SPAG9: variants seen among roughly 807,000 people sequenced by gnomAD.
The protein encoded by SPAG9 is C-Jun-amino-terminal kinase-interacting protein 4.
SPAG9 carries 35 observed loss-of-function variants against 166.5 expected under a neutral mutation model. That is an observed-to-expected ratio of 0.21 (90% CI 0.16 to 0.28). The LOEUF is 0.28. Among genes scored for constraint, SPAG9 ranks in the 10% least tolerant of loss-of-function variants. The pLI is 1.00. For synonymous variants in SPAG9, 534 were observed against 565.5 expected, an observed-to-expected ratio of 0.94 and a Z score of 0.79; for missense variants, 1,235 against 1,603.3, an observed-to-expected ratio of 0.77 and a Z score of 3.92.
intron 1 of SPAG9, among the ~76,000 whole-genome samples, chr17:51,097,160 G>A (rs114734884): frequency 1.3e-3 from 205 of 152,330 alleles, no homozygotes; most frequent in African/African-American, 4.9e-3. Context: ...AACACATGGA[G>A]GTTCCTGCAG....
In SPAG9 at chr17:50,981,529, G is replaced by C. The variant is rs1257031051; in HGVS notation, c.3237+995C>G. ...AGATAGATAGATAGATAGATAGATA[G>C]AAAGAAAGAAAGAAAGAATAGATAG... On this transcript the variant is annotated intron_variant, in intron 25 of 29. Transcript: ENST00000262013. Among the ~76,000 whole-genome samples, 4 of 148,630 alleles carry C rather than the reference G, an allele frequency of 2.7e-5. No individual in the cohort carries two copies. The East Asian group carries it at 7.8e-4, about 29-fold the overall frequency.
intron 6 of SPAG9, among the ~76,000 whole-genome samples, chr17:51,030,172 A>G (rs981461280): frequency 2.0e-5 from 3 of 152,230 alleles, no homozygotes; most frequent in African/African-American, 4.8e-5. Context: ...TACAGAATAT[A>G]TATGTCATGG....
chr17:51,065,067 G>A (rs1302924411), intron 2 of SPAG9, among the ~76,000 whole-genome samples: 1 of 152,120 alleles, frequency 6.6e-6, no homozygotes, highest in African/African-American at 2.4e-5. Flanking sequence ...AGGTTGCAGT[G>A]AGTTGAGATC....
chr17:51,103,164 T>C (rs1469518597), intron 1 of SPAG9, among the ~76,000 whole-genome samples: 1 of 152,160 alleles, frequency 6.6e-6, no homozygotes, highest in East Asian at 1.9e-4. Flanking sequence ...GTAGGAACGA[T>C]AATTTGAATG....
intron 1 of SPAG9, among the ~76,000 whole-genome samples, chr17:51,108,924 G>A (rs764458435): frequency 3.4e-4 from 51 of 150,418 alleles, no homozygotes; most frequent in African/African-American, 1.1e-3. Flanking sequence ...TCCACCTCCC[G>A]GGTTCACATG....
intron 2 of SPAG9, among the ~76,000 whole-genome samples, chr17:51,065,862 AC>A (rs1472366173): frequency 2.0e-5 from 3 of 152,210 alleles, no homozygotes; most frequent in Non-Finnish European, 4.4e-5. Flanking sequence ...TGCAGGTAAG[AC>A]AAACTTAGAA....
At chr17:51,108,505 G>A (rs1040090256) in intron 1 of SPAG9, among the ~76,000 whole-genome samples, 2 of 151,968 alleles carry the variant, frequency 1.3e-5, no homozygotes. Context: ...TTTGAGACAG[G>A]GTCTTGCTCT....
At chr17:51,102,431 A>G (rs1641409167) in intron 1 of SPAG9, among the ~76,000 whole-genome samples, 1 of 151,868 alleles carries the variant, frequency 6.6e-6, no homozygotes, top group Non-Finnish European at 1.5e-5. Flanking sequence ...AAAGAAAAAA[A>G]TAGAAATGTC....
chr17:51,083,614 G>C (rs1215010456), intron 1 of SPAG9, among the ~76,000 whole-genome samples: 1 of 150,432 alleles, frequency 6.6e-6, no homozygotes, highest in Non-Finnish European at 1.5e-5. Flanking sequence ...TGTCAGGCTG[G>C]TCTACAACTG....
intron 1 of SPAG9, among the ~76,000 whole-genome samples, chr17:51,110,574 A>G (rs1385791474): frequency 6.6e-6 from 1 of 152,090 alleles, no homozygotes; most frequent in Non-Finnish European, 1.5e-5. Flanking sequence ...CTGTAGTCCC[A>G]TCTACTTGGG....
intron 2 of SPAG9, among the ~76,000 whole-genome samples, chr17:51,078,829 T>TC (rs1172066487): frequency 6.6e-6 from 1 of 152,128 alleles, no homozygotes; most frequent in Non-Finnish European, 1.5e-5. Flanking sequence ...TACTTTTTTT[T>TC]CTCCAGTATC....
chr17:51,015,479 A>G (rs1343672824), intron 8 of SPAG9, among the ~76,000 whole-genome samples: 2 of 152,186 alleles, frequency 1.3e-5, no homozygotes, highest in African/African-American at 4.8e-5. Context: ...AGCATTATTT[A>G]CTTAAGTATG....
At chr17:50,979,634 C>T (rs1013604663) in intron 26 of SPAG9, 112 bp downstream of exon 26, 1 of 1,003,154 alleles carries the variant, frequency 1.0e-6, no homozygotes, top group Non-Finnish European at 1.5e-6. Flanking sequence ...TGTGCATAGC[C>T]ACTGCACTCC....
At chr17:51,002,911 T>C (rs1164837686) in intron 12 of SPAG9, among the ~76,000 whole-genome samples, 1 of 150,412 alleles carries the variant, frequency 6.6e-6, no homozygotes, top group Non-Finnish European at 1.5e-5. Flanking sequence ...TGAGATCCCA[T>C]CTCTACAGAA....
At chr17:51,051,290 G>A (rs943413708) in intron 3 of SPAG9, among the ~76,000 whole-genome samples, 1 of 152,138 alleles carries the variant, frequency 6.6e-6, no homozygotes, top group Admixed American at 6.5e-5. Flanking sequence ...TGTATTTTTA[G>A]TAGAAATGGA....
intron 17 of SPAG9, 75 bp from the exon 18 acceptor site, chr17:50,995,299 T>C (rs2044628201): frequency 2.1e-6 from 3 of 1,411,394 alleles, no homozygotes; most frequent in African/African-American, 2.9e-5. Flanking sequence ...AAATAACTAA[T>C]GGTTGTAAAT....
chr17:51,062,471 T>C (rs1304876102), intron 2 of SPAG9, among the ~76,000 whole-genome samples: 2 of 152,220 alleles, frequency 1.3e-5, no homozygotes, highest in Non-Finnish European at 2.9e-5. Context: ...CAATGATCTT[T>C]TTACTGTCTC....
chr17:51,085,922 G>GA (rs2048291706), intron 1 of SPAG9, among the ~76,000 whole-genome samples: 1 of 135,696 alleles, frequency 7.4e-6, no homozygotes, highest in African/African-American at 2.8e-5. Flanking sequence ...TATTGAGGTT[G>GA]ATTTTGTAAA....
At chr17:50,996,345 T>C (rs1445852164) in intron 16 of SPAG9, 4 of 527,416 alleles carry the variant, frequency 7.6e-6, no homozygotes, top group Admixed American at 3.4e-5. Flanking sequence ...CCACCCTTTA[T>C]TGACTCCTCC....
Sources: gnomAD v4.1 joint callset for allele counts (sites outside exome capture counted in the v4.1 genomes callset) on GRCh38, gnomAD v4.1.1 for gene constraint, MANE v1.5 for transcripts, NCBI Gene and HGNC (gene_info 2026-07-23, HGNC 2026-07-21) for gene names.